Variants in GRIK4 observed in about 807,000 individuals in gnomAD.
GRIK4 encodes the protein glutamate ionotropic receptor kainate type subunit 4.
GRIK4 carries 40 observed loss-of-function variants against 104.9 expected under a neutral mutation model. The observed-to-expected ratio is 0.38, with a 90% CI of 0.30 to 0.50. GRIK4 has a LOEUF of 0.50. GRIK4 is among the 20% of genes least tolerant of loss of function. GRIK4 has a pLI of 0.93. For missense variants in GRIK4, 1,047 were observed against 1,308.1 expected, an observed-to-expected ratio of 0.80 and a Z score of 3.08; for synonymous variants, 485 against 524.9, an observed-to-expected ratio of 0.92 and a Z score of 1.04.
intron 1 of GRIK4, among the ~76,000 whole-genome samples, chr11:120,516,783 CA>C (rs1422154814): frequency 6.6e-6 from 1 of 152,040 alleles, no homozygotes; most frequent in Admixed American, 6.6e-5. Flanking sequence ...TGCTGGAGAC[CA>C]GGGGGATGGG....
intron 3 of GRIK4, among the ~76,000 whole-genome samples, chr11:120,700,593 G>A (rs1302074098): frequency 6.6e-6 from 1 of 152,134 alleles, no homozygotes; most frequent in African/African-American, 2.4e-5. Flanking sequence ...TGAGTAGCTG[G>A]GATTACAGGT....
At chr11:120,944,250 C>T (rs1421468809) in intron 14 of GRIK4, among the ~76,000 whole-genome samples, 2 of 142,392 alleles carry the variant, frequency 1.4e-5, no homozygotes, top group Non-Finnish European at 3.0e-5. Context: ...TCTCACCCAA[C>T]TTAAATGTCC....
chr11:120,864,734 G>C (rs752637843), intron 9 of GRIK4, among the ~76,000 whole-genome samples: 5 of 152,180 alleles, frequency 3.3e-5, no homozygotes, highest in Admixed American at 6.5e-5. Flanking sequence ...CATTGGCCAC[G>C]AGCAGACAGA....
Position 120,967,111 on chromosome 11 carries a change from G to A in GRIK4, c.2267-84G>A. ...GAGGTGAAAGCAGGCAGGGTGGCCA[G>A]GAGGTGTGCCGGGAAGGGGAGCAGA... On this transcript the variant is annotated intron_variant, in intron 18 of 20. Transcript: ENST00000527524. The surrounding 1 kb of genome is among the most constrained non-coding windows in gnomAD (Gnocchi z 4.2). The A allele has an allele frequency of 6.8e-7, 1 of 1,471,092 alleles. No homozygotes were observed. Among genetic ancestry groups the A allele is most frequent in the East Asian group, 2.3e-5 (1 of 42,922 alleles). The allele number at this position is 1,471,092 out of a possible 1,614,324, so 91.1% of individuals were successfully genotyped here. A position where few individuals can be genotyped will look rare whatever the true frequency, so the allele number is the denominator to read the frequency against.
At chr11:120,835,790 A>G (rs1267444058) in intron 7 of GRIK4, among the ~76,000 whole-genome samples, 1 of 152,170 alleles carries the variant, frequency 6.6e-6, no homozygotes, top group African/African-American at 2.4e-5. Flanking sequence ...CAGTTTCTAT[A>G]GTACCTGTCA....
chr11:120,659,029 TG>T (rs1242303399), intron 2 of GRIK4, among the ~76,000 whole-genome samples: 1 of 152,082 alleles, frequency 6.6e-6, no homozygotes, highest in Admixed American at 6.6e-5. Flanking sequence ...ATTACAGGCG[TG>T]AGTCTGTATT....
At chr11:120,648,033 G>T (rs909485044) in intron 1 of GRIK4, among the ~76,000 whole-genome samples, 14 of 152,276 alleles carry the variant, frequency 9.2e-5, no homozygotes, top group Non-Finnish European at 1.5e-4. Flanking sequence ...TCTTCTGGCC[G>T]CCGGAGCTGG....
At chr11:120,561,955 G>A (rs1208985087) in intron 1 of GRIK4, among the ~76,000 whole-genome samples, 1 of 152,164 alleles carries the variant, frequency 6.6e-6, no homozygotes, top group Non-Finnish European at 1.5e-5. Flanking sequence ...AGGAGGGTAT[G>A]GCCAAGGTGG....
At chr11:120,805,237 A>G (rs12289238) in intron 4 of GRIK4, among the ~76,000 whole-genome samples, 19,394 of 151,956 alleles carry the variant, frequency 0.13, 3,940 homozygotes, top group African/African-American at 0.43. Flanking sequence ...CAGGGAGGCA[A>G]GTCTCAGACA....
At chr11:120,813,528 G>A (rs987514135) in intron 4 of GRIK4, among the ~76,000 whole-genome samples, 3 of 152,156 alleles carry the variant, frequency 2.0e-5, no homozygotes, top group African/African-American at 7.2e-5. Context: ...GAGTCCTCCA[G>A]TCAGCTGAGA....
chr11:120,848,317 A>G (rs956637588), intron 8 of GRIK4, among the ~76,000 whole-genome samples: 7 of 152,152 alleles, frequency 4.6e-5, no homozygotes, highest in African/African-American at 1.7e-4. Flanking sequence ...GTCAGCATTT[A>G]TAGGTGGCCG....
intron 8 of GRIK4, among the ~76,000 whole-genome samples, chr11:120,850,531 CTG>C (rs1292942386): frequency 2.0e-5 from 3 of 152,184 alleles, no homozygotes; most frequent in Non-Finnish European, 2.9e-5. Context: ...ATGATAAACT[CTG>C]TGTTGTCTCT....
intron 18 of GRIK4, among the ~76,000 whole-genome samples, chr11:120,963,734 G>A (rs1177582039): frequency 6.6e-6 from 1 of 152,180 alleles, no homozygotes; most frequent in Admixed American, 6.5e-5. Context: ...AACGAGCACG[G>A]GCTGGGAGTC....
At chr11:120,949,189 G>A (rs1278635708) in intron 14 of GRIK4, among the ~76,000 whole-genome samples, 1 of 152,126 alleles carries the variant, frequency 6.6e-6, no homozygotes, top group Non-Finnish European at 1.5e-5. Flanking sequence ...TGAAAGGGGG[G>A]TTTAATGCCA....
At chr11:120,632,647 A>G (rs1046436250) in intron 1 of GRIK4, among the ~76,000 whole-genome samples, 8 of 152,088 alleles carry the variant, frequency 5.3e-5, no homozygotes, top group African/African-American at 1.7e-4. Flanking sequence ...TGGCTCTTCC[A>G]GGAATAGCAC....
At chr11:120,589,091 G>A (rs1332841838) in intron 1 of GRIK4, among the ~76,000 whole-genome samples, 1 of 152,196 alleles carries the variant, frequency 6.6e-6, no homozygotes, top group Non-Finnish European at 1.5e-5. Flanking sequence ...TCTGCTAAGG[G>A]TTGGAAAAAT....
At chr11:120,633,815 G>A (rs1160738723) in intron 1 of GRIK4, among the ~76,000 whole-genome samples, 1 of 152,152 alleles carries the variant, frequency 6.6e-6, no homozygotes, top group African/African-American at 2.4e-5. Flanking sequence ...GAAGGGAAGT[G>A]TGGCTGGGCA....
At chr11:120,636,765 G>A (rs983081913) in intron 1 of GRIK4, among the ~76,000 whole-genome samples, 2 of 152,188 alleles carry the variant, frequency 1.3e-5, no homozygotes, top group African/African-American at 2.4e-5. Context: ...ACCTGGGCCT[G>A]GGAGGTGGAG....
intron 3 of GRIK4, among the ~76,000 whole-genome samples, chr11:120,700,063 C>T (rs779847118): frequency 1.4e-4 from 22 of 152,062 alleles, no homozygotes; most frequent in Non-Finnish European, 3.1e-4. Flanking sequence ...TTAGGAGATG[C>T]GTAGAGATAG....
Sources: gnomAD v4.1 joint callset for allele counts (sites outside exome capture counted in the v4.1 genomes callset) on GRCh38, gnomAD v4.1.1 for gene constraint, Gnocchi (gnomAD v3.1) non-coding constraint, MANE v1.5 for transcripts, NCBI Gene and HGNC (gene_info 2026-07-23, HGNC 2026-07-21) for gene names.